The following PCYT1A variants were observed in gnomAD, a reference collection of about 807,000 sequenced individuals.
PCYT1A encodes choline-phosphate cytidylyltransferase A.
Under a neutral mutation model 43.7 loss-of-function variants are expected in PCYT1A, and 25 were observed. That is an observed-to-expected ratio of 0.57 (90% CI 0.42 to 0.80). The LOEUF (loss-of-function observed/expected upper bound fraction) is 0.80. Ranked by LOEUF, PCYT1A falls within the 30% of genes least tolerant of loss-of-function variation. The pLI is 0.00. For missense variants in PCYT1A, 421 were observed against 474.2 expected (o/e 0.89, Z 1.04); for synonymous variants, 172 against 170.7 (o/e 1.01, Z -0.06).
chr3:196,286,573 A>G (rs1182886153), intron 1 of PCYT1A, among the ~76,000 whole-genome samples: 2 of 152,222 alleles, frequency 1.3e-5, no homozygotes, highest in Non-Finnish European at 2.9e-5. Context: ...TACCCTTACT[A>G]TGTAAACACA....
chr3:196,278,882 G>A (rs1297158928), intron 1 of PCYT1A, among the ~76,000 whole-genome samples: 1 of 151,226 alleles, frequency 6.6e-6, no homozygotes, highest in Non-Finnish European at 1.5e-5. Flanking sequence ...TTGGGAGTCT[G>A]TGGTGGCAGA....
chr3:196,275,256 G>C (rs1431472520), intron 1 of PCYT1A, among the ~76,000 whole-genome samples: 1 of 152,124 alleles, frequency 6.6e-6, no homozygotes, highest in African/African-American at 2.4e-5. Context: ...AACTGAACCT[G>C]GAGGACATTA....
chr3:196,234,574 A>G lies in PCYT1A; in HGVS notation c.*4114T>C, dbSNP rs1308835796. 2.0e-5 allele frequency: 3 copies of G among 152,196 alleles called. No individual in the cohort carries two copies. The East Asian group carries it at 5.8e-4, about 29-fold the overall frequency. The allele number at this position is 152,196 out of a possible 1,614,324, so 9.4% of individuals were successfully genotyped here. A position where few individuals can be genotyped will look rare whatever the true frequency, so the allele number is the denominator to read the frequency against. ...TTTGTCTTTTAGGGATCCTCAATAC[A>G]AAACAACCCAACTAATCCAGGATAT... is the stretch of plus-strand genomic sequence containing the variant. On this transcript the variant is annotated 3_prime_UTR_variant, in exon 9 of 9. Transcript: ENST00000431016.
intron 5 of PCYT1A, among the ~76,000 whole-genome samples, chr3:196,243,831 C>T (rs1360232467): frequency 2.0e-5 from 3 of 152,278 alleles, no homozygotes; most frequent in African/African-American, 7.2e-5. Context: ...CTCGTTCACT[C>T]AGTGCTCAAT....
In PCYT1A at chr3:196,273,059, G is replaced by C. The variant is rs1725484315; in HGVS notation, c.-10-2518C>G. On this transcript the variant is annotated intron_variant, in intron 1 of 8. Coordinates refer to ENST00000431016, the MANE Select transcript of PCYT1A (RefSeq NM_001312673.2). The surrounding 1 kb of genome is among the most constrained non-coding windows in gnomAD (Gnocchi z 4.1). ...AGGGTCCGGCCACTGCGCACAGCCA[G>C]GCACGCCAGCTGCCAGGGGGTGAGC... is the stretch of plus-strand genomic sequence containing the variant. Among the ~76,000 whole-genome samples, 1 of 152,234 alleles carries C rather than the reference G, an allele frequency of 6.6e-6. No individual in the cohort carries two copies. The highest frequency in any genetic ancestry group is 1.5e-5 in the Non-Finnish European group (1 of 68,044).
intron 1 of PCYT1A, among the ~76,000 whole-genome samples, chr3:196,286,051 AC>A (rs1725902596): frequency 7.1e-6 from 1 of 141,464 alleles, no homozygotes; most frequent in South Asian, 2.3e-4. Flanking sequence ...TATCACAAAT[AC>A]CACTGTCCCT....
At chr3:196,275,651 T>G (rs577369514) in intron 1 of PCYT1A, among the ~76,000 whole-genome samples, 2 of 151,966 alleles carry the variant, frequency 1.3e-5, no homozygotes, top group South Asian at 4.2e-4. Flanking sequence ...AAGAATCCCT[T>G]GAACCCAGGA....
At chr3:196,279,693 G>C (rs1194822731) in intron 1 of PCYT1A, among the ~76,000 whole-genome samples, 1 of 152,066 alleles carries the variant, frequency 6.6e-6, no homozygotes, top group Non-Finnish European at 1.5e-5. Flanking sequence ...AGACACTAAG[G>C]ATACAGCTAG....
chr3:196,254,248 G>A (rs984318696), intron 3 of PCYT1A, among the ~76,000 whole-genome samples: 1 of 151,562 alleles, frequency 6.6e-6, no homozygotes, highest in Non-Finnish European at 1.5e-5. Context: ...GGATGGTCTC[G>A]ATCTCCTGAC....
intron 2 of PCYT1A, among the ~76,000 whole-genome samples, chr3:196,260,221 C>A (rs150739885): frequency 2.0e-5 from 3 of 152,102 alleles, no homozygotes; most frequent in Non-Finnish European, 4.4e-5. Context: ...CCATGCCCAG[C>A]CAAGACATTC....
chr3:196,248,130 T>C, intron 4 of PCYT1A, 77 bp downstream of exon 4: 1 of 814,454 alleles, frequency 1.2e-6, no homozygotes, highest in Non-Finnish European at 2.2e-6. Context: ...CAAGAGCCAG[T>C]GTACTCAGCT....
rs991476152 is a variant in PCYT1A at position 196,277,775 on chromosome 3, G to A, written c.-10-7234C>T. ...AATCCCAGCTACTTGGGAGGCTAAG[G>A]CAGGAGGATCACTTGATCCCTGGAG... On this transcript the variant is annotated intron_variant, in intron 1 of 8. Coordinates refer to ENST00000431016, the MANE Select transcript of PCYT1A (RefSeq NM_001312673.2). The surrounding 1 kb of genome is among the most constrained non-coding windows in gnomAD (Gnocchi z 4.1). 3.3e-5 allele frequency among the ~76,000 whole-genome samples: 5 copies of A among 152,200 alleles called. No individual in the cohort carries two copies. The highest frequency in any genetic ancestry group is 1.2e-4 in the African/African-American group (5 of 41,456).
chr3:196,265,036 TTTTA>T (rs1189136605), intron 2 of PCYT1A, among the ~76,000 whole-genome samples: 34 of 151,744 alleles, frequency 2.2e-4, no homozygotes, highest in African/African-American at 7.7e-4. Context: ...AGTTATTTTA[TTTTA>T]TTTATTATTA....
rs575250547 is a variant in PCYT1A at position 196,266,299 on chromosome 3, C to T, written c.117+4116G>A. 2.2e-3 allele frequency among the ~76,000 whole-genome samples: 339 copies of T among 151,112 alleles called. 1 individual carries two copies. In the South Asian group the frequency reaches 0.025, roughly 11 times the overall value. Reference sequence around the variant, plus strand: ...CATCCTGGCTAACACGGTGAAACCCCGTCTCTACTAAAAAATACAAAAAAT... The same window carrying T: ...CATCCTGGCTAACACGGTGAAACCCTGTCTCTACTAAAAAATACAAAAAAT... On this transcript the variant is annotated intron_variant, in intron 2 of 8. Coordinates refer to ENST00000431016, the MANE Select transcript of PCYT1A (RefSeq NM_001312673.2).
chr3:196,257,857 C>G lies in PCYT1A; in HGVS notation c.148G>C (p.Glu50Gln). The change falls in exon 3 of 9, where the codon GAA becomes CAA. Residue 50 changes from glutamate (E) to glutamine (Q), a missense_variant. Glu to Gln is a conservative substitution (Grantham distance 29). Coordinates refer to ENST00000431016, the MANE Select transcript of PCYT1A (RefSeq NM_001312673.2). The part of the protein sequence containing the change: ...GLRQPAPFSD[E>Q]IEVDFSKPYV... ...GGCTTACTAAAGTCAACTTCAATTT[C>G]ATCAGAAAAAGGAGCTGGTTGCCGT... 6.2e-7 allele frequency: 1 copy of G among 1,613,038 alleles called. No individual in the cohort carries two copies. The highest frequency in any genetic ancestry group is 1.1e-5 in the South Asian group (1 of 91,030).
Position 196,248,323 on chromosome 3 carries a change from C to G in PCYT1A, c.218G>C (p.Cys73Ser). ...GGCATAAACTCTCACAGGTCGCTCACCTAAATCCAAATGAAAGAATTGATC... is the reference window on the plus strand; with the variant it reads ...GGCATAAACTCTCACAGGTCGCTCAGCTAAATCCAAATGAAAGAATTGATC... ...TMEEASRGTPCERPVRVYADG... is the reference protein window; with the variant it reads ...TMEEASRGTPSERPVRVYADG... The change falls in exon 4 of 9, where the codon TGT (cysteine) becomes TCT (serine). Residue 73 changes from cysteine to serine, a missense_variant and splice_region_variant. By Grantham distance (112) the Cys-to-Ser change is moderately radical (BLOSUM62 -1). This residue lies in a region of PCYT1A where 139 missense variants were observed against 117.7 expected (regional missense o/e 1.18). Coordinates refer to ENST00000431016, the MANE Select transcript of PCYT1A (RefSeq NM_001312673.2). The G allele has an allele frequency of 6.4e-7, 1 of 1,562,514 alleles. No homozygotes were observed. The highest frequency in any genetic ancestry group is 1.4e-5 in the African/African-American group (1 of 73,830).
chr3:196,255,921 T>A (rs894657379), intron 3 of PCYT1A, among the ~76,000 whole-genome samples: 1 of 152,206 alleles, frequency 6.6e-6, no homozygotes, highest in Non-Finnish European at 1.5e-5. Context: ...CTGAACTATC[T>A]TCTGGCGTTT....
chr3:196,281,042 C>T (rs1025341537), intron 1 of PCYT1A, among the ~76,000 whole-genome samples: 2 of 152,192 alleles, frequency 1.3e-5, no homozygotes, highest in African/African-American at 4.8e-5. Flanking sequence ...CTATTCCTGC[C>T]TTCCCCATCT....
At position 196,268,914 on chromosome 3, in the gene PCYT1A, T is replaced by C. The variant is rs187619315; in HGVS notation, c.117+1501A>G. On this transcript the variant is annotated intron_variant, in intron 2 of 8. Coordinates refer to ENST00000431016, the MANE Select transcript of PCYT1A (RefSeq NM_001312673.2). The surrounding 1 kb of genome is among the most constrained non-coding windows in gnomAD (Gnocchi z 4.4). ...TACCGAACGTAATCACAAGAGTCCT[T>C]GTAAGTGAAAAGGGGAAGTAGGAGG... Among the ~76,000 whole-genome samples, 14 of 152,298 alleles carry C rather than the reference T, an allele frequency of 9.2e-5. 1 individual carries two copies. The highest frequency in any genetic ancestry group is 7.8e-4 in the Admixed American group (12 of 15,290).
Sources: allele counts gnomAD v4.1 joint callset (sites outside exome capture counted in the v4.1 genomes callset), GRCh38; gene constraint gnomAD v4.1.1; regional missense constraint gnomAD v4.1.1; non-coding constraint Gnocchi (gnomAD v3.1); transcripts MANE v1.5; gene names NCBI Gene and HGNC (gene_info 2026-07-23, HGNC 2026-07-21).